Variants in COL5A2 observed in about 807,000 individuals in gnomAD.
COL5A2 encodes the protein collagen alpha-2(V) chain.
In COL5A2, 23 loss-of-function variants were observed where a neutral mutation model predicts 208.2. That is an observed-to-expected ratio of 0.11 (90% CI 0.08 to 0.16). The LOEUF is 0.16. Ranked by LOEUF, COL5A2 falls within the 10% of genes least tolerant of loss-of-function variation. The probability of loss-of-function intolerance (pLI) is 1.00; values close to 1 mark genes in which losing one functional copy is unlikely to be tolerated. For missense variants in COL5A2, 1,590 were observed against 1,956.4 expected (o/e 0.81, Z 3.53); for synonymous variants, 625 against 628.5 (o/e 0.99, Z 0.08).
the COL5A2 span, among the ~76,000 whole-genome samples, chr2:189,355,679 CAT>C: frequency 6.6e-6 from 1 of 152,116 alleles, no homozygotes; most frequent in African/African-American, 2.4e-5. Flanking sequence ...ATGTCTTGCA[CAT>C]GAGATGGGTC....
the COL5A2 span, among the ~76,000 whole-genome samples, chr2:189,247,745 A>T: frequency 6.6e-6 from 1 of 151,858 alleles, no homozygotes; most frequent in African/African-American, 2.4e-5. Context: ...ACACCCTGCT[A>T]ATTTTTGTAT....
At chr2:189,254,903 A>T in the COL5A2 span, among the ~76,000 whole-genome samples, 1 of 152,214 alleles carries the variant, frequency 6.6e-6, no homozygotes, top group South Asian at 2.1e-4. Context: ...TTCCAAAGAC[A>T]TCATAGCCAT....
At chr2:189,277,937 A>C in the COL5A2 span, among the ~76,000 whole-genome samples, 1 of 152,120 alleles carries the variant, frequency 6.6e-6, no homozygotes, top group East Asian at 1.9e-4. Flanking sequence ...CAAGGAGGTC[A>C]ATAGTGCCCC....
the COL5A2 span, among the ~76,000 whole-genome samples, chr2:189,382,172 G>C: frequency 6.6e-6 from 1 of 151,974 alleles, no homozygotes; most frequent in African/African-American, 2.4e-5. Flanking sequence ...ACTTTTGTCA[G>C]GGCAGCAATA....
chr2:189,300,888 T>A, the COL5A2 span, among the ~76,000 whole-genome samples: 1 of 152,134 alleles, frequency 6.6e-6, no homozygotes. Flanking sequence ...TTTGTGAGAA[T>A]TAAAGAAAGA....
the COL5A2 span, among the ~76,000 whole-genome samples, chr2:189,405,865 A>G: frequency 3.3e-5 from 5 of 152,194 alleles, no homozygotes; most frequent in Non-Finnish European, 5.9e-5. Context: ...CCATGTCAAG[A>G]CTTAGTCAGC....
the COL5A2 span, among the ~76,000 whole-genome samples, chr2:189,382,525 T>C: frequency 6.6e-6 from 1 of 152,216 alleles, no homozygotes; most frequent in Non-Finnish European, 1.5e-5. Flanking sequence ...TAATTTCTAT[T>C]TATAGGTGAT....
chr2:189,159,959 T>C (rs1191444590), intron 1 of COL5A2, among the ~76,000 whole-genome samples: 1 of 152,150 alleles, frequency 6.6e-6, no homozygotes, highest in Non-Finnish European at 1.5e-5. Context: ...TATTTTTTCC[T>C]CATTATTGCC....
intron 29 of COL5A2, among the ~76,000 whole-genome samples, chr2:189,061,910 G>C (rs1686039990): frequency 6.6e-6 from 1 of 151,998 alleles, no homozygotes; most frequent in Non-Finnish European, 1.5e-5. Flanking sequence ...TTGAATATAG[G>C]AAAACCCATT....
chr2:189,033,894 T>G lies in COL5A2; in HGVS notation c.*176A>C. On this transcript the variant is annotated 3_prime_UTR_variant, in exon 54 of 54. Transcript: ENST00000374866. Reference sequence around the variant, plus strand: ...TCAATTAAAACTTGAGGATTGTAAGTAAAATAAATATTCTGAAGGATAAGG... The same window carrying G: ...TCAATTAAAACTTGAGGATTGTAAGGAAAATAAATATTCTGAAGGATAAGG... 1.3e-6 allele frequency: 1 copy of G among 755,776 alleles called. No homozygotes were observed. The highest frequency in any genetic ancestry group is 2.2e-6 in the Non-Finnish European group (1 of 457,178). 46.8% of individuals were successfully genotyped at this position (755,776 alleles called of 1,614,324 possible).
At chr2:189,042,872 A>G in intron 48 of COL5A2, 99 bp from the exon 49 acceptor site, 1 of 1,180,932 alleles carries the variant, frequency 8.5e-7, no homozygotes, top group African/African-American at 1.5e-5. Context: ...AGCATGAACT[A>G]CTTTGATAAA....
At chr2:189,395,211 T>C in the COL5A2 span, among the ~76,000 whole-genome samples, 4 of 152,222 alleles carry the variant, frequency 2.6e-5, no homozygotes, top group African/African-American at 9.6e-5. Flanking sequence ...TTACCATTTT[T>C]AACATTGTTT....
At chr2:189,104,659 G>C (rs1453787149) in intron 2 of COL5A2, among the ~76,000 whole-genome samples, 1 of 151,716 alleles carries the variant, frequency 6.6e-6, no homozygotes, top group Non-Finnish European at 1.5e-5. Context: ...TGTATTAAAA[G>C]TATACAATTA....
the COL5A2 span, among the ~76,000 whole-genome samples, chr2:189,310,731 T>C: frequency 4.5e-5 from 1 of 22,242 alleles, no homozygotes; most frequent in Non-Finnish European, 8.4e-5. Context: ...AATGGAGTAC[T>C]ATCAAACCAA....
intron 1 of COL5A2, among the ~76,000 whole-genome samples, chr2:189,219,632 T>A (rs1351137854): frequency 6.6e-6 from 1 of 152,158 alleles, no homozygotes; most frequent in Non-Finnish European, 1.5e-5. Flanking sequence ...GAATTATAGA[T>A]CCCACAGTTT....
At chr2:189,369,761 T>C in the COL5A2 span, among the ~76,000 whole-genome samples, 2 of 152,334 alleles carry the variant, frequency 1.3e-5, no homozygotes, top group African/African-American at 2.4e-5. Flanking sequence ...AATAGCTTCA[T>C]GGGCAAAAGA....
At chr2:189,365,686 TG>T in the COL5A2 span, among the ~76,000 whole-genome samples, 1 of 152,342 alleles carries the variant, frequency 6.6e-6, no homozygotes, top group African/African-American at 2.4e-5. Context: ...AAAACAAGAA[TG>T]GGAAGTAATA....
At chr2:189,376,037 A>G in the COL5A2 span, among the ~76,000 whole-genome samples, 27 of 152,284 alleles carry the variant, frequency 1.8e-4, no homozygotes, top group South Asian at 5.4e-3. Context: ...CTTTTCCACA[A>G]TGTGTGTAAG....
upstream of COL5A2, among the ~76,000 whole-genome samples, chr2:189,229,823 A>G (rs1490776657): frequency 6.6e-6 from 1 of 151,854 alleles, no homozygotes; most frequent in Non-Finnish European, 1.5e-5. Context: ...CAGAAATAGA[A>G]AAAAATTCTA....
Sources: gnomAD v4.1 joint callset for allele counts (sites outside exome capture counted in the v4.1 genomes callset) on GRCh38, gnomAD v4.1.1 for gene constraint, MANE v1.5 for transcripts, NCBI Gene and HGNC (gene_info 2026-07-23, HGNC 2026-07-21) for gene names.